Variants in FGF18 observed in about 807,000 individuals in gnomAD.
FGF18 encodes fibroblast growth factor 18.
Under a neutral mutation model 23.0 loss-of-function variants are expected in FGF18, and 5 were observed. That is an observed-to-expected ratio of 0.22 (90% CI 0.11 to 0.46). The LOEUF (loss-of-function observed/expected upper bound fraction) is 0.46, where lower values mean the gene tolerates loss of function less well. Ranked by LOEUF, FGF18 falls within the 20% of genes least tolerant of loss-of-function variation. The probability of loss-of-function intolerance (pLI) is 0.99; values close to 1 mark genes in which losing one functional copy is unlikely to be tolerated. For missense variants in FGF18, 180 were observed against 291.6 expected, an observed-to-expected ratio of 0.62 and a Z score of 2.79; for synonymous variants, 117 against 118.9, an observed-to-expected ratio of 0.98 and a Z score of 0.10.
chr5:171,441,278 C>G (rs1357578606), intron 3 of FGF18, among the ~76,000 whole-genome samples: 1 of 152,206 alleles, frequency 6.6e-6, no homozygotes, highest in Admixed American at 6.5e-5. Flanking sequence ...AAAATGTGAG[C>G]ATGTTCCTGC....
At chr5:171,453,684 G>A (rs970573320) in intron 4 of FGF18, among the ~76,000 whole-genome samples, 6 of 152,186 alleles carry the variant, frequency 3.9e-5, no homozygotes, top group African/African-American at 1.2e-4. Flanking sequence ...ATGAAATGCA[G>A]TAATGGAAGT....
chr5:171,446,233 A>C (rs1293078257), intron 3 of FGF18, among the ~76,000 whole-genome samples: 1 of 152,000 alleles, frequency 6.6e-6, no homozygotes, highest in African/African-American at 2.4e-5. Context: ...GGGGGTGGCT[A>C]GGCTTGTGGT....
At chr5:171,425,059 G>A (rs1772070512) in intron 2 of FGF18, among the ~76,000 whole-genome samples, 1 of 152,200 alleles carries the variant, frequency 6.6e-6, no homozygotes. Context: ...ACCCCCAAAG[G>A]GAGACTAGAG....
chr5:171,448,406 G>C (rs547572394), intron 3 of FGF18, among the ~76,000 whole-genome samples: 1 of 152,318 alleles, frequency 6.6e-6, no homozygotes, highest in Non-Finnish European at 1.5e-5. Context: ...GAATAGGCAG[G>C]TTAAAGGTGC....
At chr5:171,454,898 G>T (rs191639534) in intron 4 of FGF18, among the ~76,000 whole-genome samples, 2 of 152,346 alleles carry the variant, frequency 1.3e-5, no homozygotes, top group Admixed American at 1.3e-4. Flanking sequence ...TCTCAGAGAG[G>T]AGACTAACAC....
In FGF18 at chr5:171,451,612, T is replaced by C. The variant is rs1029607081; in HGVS notation, c.357+2359T>C. Among the ~76,000 whole-genome samples, 1 of 152,142 alleles carries C rather than the reference T, an allele frequency of 6.6e-6. No homozygotes were observed. Among genetic ancestry groups the C allele is most frequent in the East Asian group, 1.9e-4 (1 of 5,174 alleles). Reference sequence around the variant, plus strand: ...TCGGCTTTCTACAGCACATACGGCATTGGAGGGCGGCACATGACCTGCCCT... The same window carrying C: ...TCGGCTTTCTACAGCACATACGGCACTGGAGGGCGGCACATGACCTGCCCT... On this transcript the variant is annotated intron_variant, in intron 4 of 4. Transcript: ENST00000274625. The surrounding 1 kb of genome is among the most constrained non-coding windows in gnomAD (Gnocchi z 4.5).
intron 2 of FGF18, among the ~76,000 whole-genome samples, chr5:171,431,997 CG>C (rs1772188588): frequency 6.6e-6 from 1 of 152,034 alleles, no homozygotes; most frequent in Non-Finnish European, 1.5e-5. Flanking sequence ...TGCAGTGAGC[CG>C]AGATCGCGCC....
chr5:171,449,375 G>GTGTGTGTA (rs1349338208), intron 4 of FGF18, 122 bp downstream of exon 4: 10 of 469,672 alleles, frequency 2.1e-5, no homozygotes, highest in East Asian at 1.2e-4. Flanking sequence ...GTGTGTGTGT[G>GTGTGTGTA]TGTGTGTGTG....
intron 2 of FGF18, among the ~76,000 whole-genome samples, chr5:171,432,682 G>A (rs148511414): frequency 0.011 from 1,674 of 152,260 alleles, 17 homozygotes; most frequent in Non-Finnish European, 0.017. Flanking sequence ...CGCCCACCTC[G>A]GCCTTCCAAA....
At position 171,434,962 on chromosome 5, in the gene FGF18, G is replaced by A. The variant is rs1772225779; in HGVS notation, c.70-1131G>A. On this transcript the variant is annotated intron_variant, in intron 2 of 4. Transcript: ENST00000274625. The surrounding 1 kb of genome is among the most constrained non-coding windows in gnomAD (Gnocchi z 4.6). ...GAAAGGGGTCCAGGAAGGCCTGCTT[G>A]AGGAGGTGACATTTGAGCAGAGACC... is the stretch of plus-strand genomic sequence containing the variant. 1.3e-5 allele frequency among the ~76,000 whole-genome samples: 2 copies of A among 152,190 alleles called. No individual in the cohort carries two copies. Among genetic ancestry groups the A allele is most frequent in the Non-Finnish European group, 2.9e-5 (2 of 68,030 alleles).
At chr5:171,424,408 T>A (rs1422435663) in intron 2 of FGF18, among the ~76,000 whole-genome samples, 1 of 152,256 alleles carries the variant, frequency 6.6e-6, no homozygotes, top group African/African-American at 2.4e-5. Flanking sequence ...GCTGGTTCAC[T>A]TCTTTCAACC....
intron 2 of FGF18, among the ~76,000 whole-genome samples, chr5:171,424,406 A>C (rs1772061882): frequency 6.6e-6 from 1 of 152,246 alleles, no homozygotes; most frequent in Non-Finnish European, 1.5e-5. Context: ...AAGCTGGTTC[A>C]CTTCTTTCAA....
At chr5:171,430,045 C>T (rs1772153638) in intron 2 of FGF18, among the ~76,000 whole-genome samples, 1 of 152,242 alleles carries the variant, frequency 6.6e-6, no homozygotes, top group African/African-American at 2.4e-5. Flanking sequence ...CTCAGTTTCC[C>T]TCTCTGTAAA....
chr5:171,447,913 G>A (rs923051342), intron 3 of FGF18, among the ~76,000 whole-genome samples: 1 of 152,098 alleles, frequency 6.6e-6, no homozygotes, highest in Non-Finnish European at 1.5e-5. Flanking sequence ...AAGAGTGCAC[G>A]AATTGGGAGT....
rs1772604347 is a variant in FGF18, at chr5:171,457,513, ATATAT to A, written c.*714_*718del. On this transcript the variant is annotated 3_prime_UTR_variant, in exon 5 of 5. Coordinates refer to ENST00000274625, the MANE Select transcript of FGF18 (RefSeq NM_003862.3). ...AATATTTTAAAACCAGCTATATTAT[ATATAT>A]TATATATATATAAGCTATTTATTTC... 1 of 151,558 alleles carries A rather than the reference ATATAT, an allele frequency of 6.6e-6. No individual in the cohort carries two copies. The highest frequency in any genetic ancestry group is 1.5e-5 in the Non-Finnish European group (1 of 67,974). The allele number at this position is 151,558 out of a possible 1,614,324, so 9.4% of individuals were successfully genotyped here.
intron 4 of FGF18, among the ~76,000 whole-genome samples, chr5:171,454,786 G>T (rs1772559121): frequency 6.6e-6 from 1 of 152,242 alleles, no homozygotes. Context: ...CGAGGAGTGG[G>T]CCCGGCCTAA....
chr5:171,432,048 C>T (rs888640451), intron 2 of FGF18, among the ~76,000 whole-genome samples: 1 of 151,612 alleles, frequency 6.6e-6, no homozygotes, highest in Admixed American at 6.6e-5. Context: ...GACTCAGTCT[C>T]AAAAAAGAAA....
At position 171,426,601 on chromosome 5, in the gene FGF18, A is replaced by G. The variant is rs568471892; in HGVS notation, c.69+6158A>G. Among the ~76,000 whole-genome samples the G allele has an allele frequency of 5.9e-5, 9 of 152,306 alleles. No individual in the cohort carries two copies. In the East Asian group the frequency reaches 1.7e-3, roughly 29 times the overall value. ...TGGCAAAAGGCCTCAGGCCATTCAA[A>G]ATGCTGTTGTGCCAAGGATGGGGCC... is the stretch of plus-strand genomic sequence containing the variant. On this transcript the variant is annotated intron_variant, in intron 2 of 4. Coordinates refer to ENST00000274625, the MANE Select transcript of FGF18 (RefSeq NM_003862.3).
chr5:171,421,180 G>A (rs940613798), intron 2 of FGF18, among the ~76,000 whole-genome samples: 8 of 152,240 alleles, frequency 5.3e-5, no homozygotes, highest in African/African-American at 1.9e-4. Context: ...GACTCGGGAA[G>A]GTCTTGGCAC....
Sources: gnomAD v4.1 joint callset for allele counts (sites outside exome capture counted in the v4.1 genomes callset) on GRCh38, gnomAD v4.1.1 for gene constraint, Gnocchi (gnomAD v3.1) non-coding constraint, MANE v1.5 for transcripts, NCBI Gene and HGNC (gene_info 2026-07-23, HGNC 2026-07-21) for gene names.